The following WWOX variants were observed in gnomAD, a reference collection of about 807,000 sequenced individuals.
WWOX encodes the protein WW domain containing oxidoreductase, also known as WW domain-containing oxidoreductase.
In WWOX, 69 loss-of-function variants were observed where a neutral mutation model predicts 46.2. That is an observed-to-expected ratio of 1.49 (90% confidence interval 1.23 to 1.82). The LOEUF is 1.82. Among genes scored for constraint, WWOX ranks in the 40% most tolerant of loss-of-function variants. The probability of loss-of-function intolerance (pLI) is 0.00; values close to 1 mark genes in which losing one functional copy is unlikely to be tolerated. For synonymous variants in WWOX, 359 were observed against 202.6 expected (o/e 1.77, Z -6.56); for missense variants, 919 against 542.6 (o/e 1.69, Z -6.89).
intron 6 of WWOX, among the ~76,000 whole-genome samples, chr16:78,404,754 C>A (rs1444368240): frequency 6.6e-6 from 1 of 152,148 alleles, no homozygotes; most frequent in African/African-American, 2.4e-5. Flanking sequence ...CTTTTTCTTA[C>A]TTTCCCGACC....
intron 8 of WWOX, chr16:78,897,277 A>C (rs950167969): frequency 2.7e-5 from 4 of 150,894 alleles, no homozygotes; most frequent in Admixed American, 1.3e-4. Flanking sequence ...CCAAAAAAAC[A>C]AAAACAAGAA....
chr16:78,507,476 C>T (rs1220602793), intron 8 of WWOX, among the ~76,000 whole-genome samples: 1 of 152,180 alleles, frequency 6.6e-6, no homozygotes, highest in South Asian at 2.1e-4. Context: ...TAGAATACTT[C>T]CACTCCGGTT....
chr16:79,153,048 C>T (rs780452056), intron 8 of WWOX, among the ~76,000 whole-genome samples: 1 of 152,130 alleles, frequency 6.6e-6, no homozygotes, highest in African/African-American at 2.4e-5. Flanking sequence ...ACCTGCAGAG[C>T]GAGCGGAGGC....
intron 8 of WWOX, among the ~76,000 whole-genome samples, chr16:78,601,285 A>G (rs1242962982): frequency 6.6e-6 from 1 of 152,152 alleles, no homozygotes; most frequent in East Asian, 1.9e-4. Flanking sequence ...GTGTTTGTGA[A>G]AAGCAAGTTG....
chr16:78,585,793 C>A (rs1017412328), intron 8 of WWOX, among the ~76,000 whole-genome samples: 1 of 151,706 alleles, frequency 6.6e-6, no homozygotes, highest in African/African-American at 2.4e-5. Context: ...GGGCAGATTC[C>A]CGTATCATGG....
chr16:78,906,501 T>TG (rs941131933), intron 8 of WWOX, among the ~76,000 whole-genome samples: 1 of 152,126 alleles, frequency 6.6e-6, no homozygotes, highest in Admixed American at 6.5e-5. Context: ...TCTCTTCACT[T>TG]GTGCTGTGCA....
intron 5 of WWOX, among the ~76,000 whole-genome samples, chr16:78,263,940 C>G (rs180795402): frequency 6.8e-6 from 1 of 147,650 alleles, no homozygotes; most frequent in Non-Finnish European, 1.5e-5. Context: ...AGCCTGCTTG[C>G]CATCTCACGA....
intron 8 of WWOX, among the ~76,000 whole-genome samples, chr16:79,154,973 T>A (rs1183098803): frequency 1.3e-5 from 2 of 152,180 alleles, no homozygotes; most frequent in African/African-American, 2.4e-5. Flanking sequence ...TTCAGTGGAA[T>A]TAGGGTCATG....
chr16:78,759,130 C>G (rs752210098), intron 8 of WWOX, among the ~76,000 whole-genome samples: 2 of 152,046 alleles, frequency 1.3e-5, no homozygotes. Flanking sequence ...CCTGGCTGAT[C>G]TGTGCAATTT....
At chr16:78,739,988 C>T (rs548461675) in intron 8 of WWOX, among the ~76,000 whole-genome samples, 1 of 152,160 alleles carries the variant, frequency 6.6e-6, no homozygotes, top group Non-Finnish European at 1.5e-5. Flanking sequence ...CCGGTGGAGA[C>T]ATTGCCTCAG....
rs1567575033 is a variant in WWOX at position 78,109,808 on chromosome 16, A to G, written c.203A>G (p.Asp68Gly). 1.2e-6 allele frequency: 2 copies of G among 1,614,180 alleles called. No homozygotes were observed. Among genetic ancestry groups the G allele is most frequent in the Middle Eastern group, 3.3e-4 (2 of 6,062 alleles). ...CCATACGGATGGGAACAAGAAACTG[A>G]TGAGAACGGACAAGTGTTTTTTGTT... ...DLPYGWEQET[D>G]ENGQVFFVDH... The change falls in exon 3 of 9, where the codon GAT becomes GGT. Residue 68 changes from aspartate to glycine, a missense_variant. Physicochemically the swap from Asp to Gly is moderately conservative, Grantham distance 94. Coordinates refer to ENST00000566780, the MANE Select transcript of WWOX (RefSeq NM_016373.4).
intron 8 of WWOX, among the ~76,000 whole-genome samples, chr16:78,433,845 A>G (rs556462965): frequency 7.2e-5 from 9 of 125,756 alleles, no homozygotes; most frequent in African/African-American, 2.8e-4. Flanking sequence ...GCTGGAGTGC[A>G]GTGGCGGGAT....
At chr16:79,064,752 GGTCAGGAGAC>G (rs1156410790) in intron 8 of WWOX, among the ~76,000 whole-genome samples, 1 of 152,186 alleles carries the variant, frequency 6.6e-6, no homozygotes. Flanking sequence ...CATGTGTGTG[GGTCAGGAGAC>G]GCTTAAGGCA....
intron 5 of WWOX, among the ~76,000 whole-genome samples, chr16:78,349,470 C>T (rs1464497332): frequency 8.3e-6 from 1 of 120,690 alleles, no homozygotes; most frequent in Non-Finnish European, 2.0e-5. Context: ...AGACCATCTG[C>T]ATCCTTATCT....
At chr16:78,532,415 C>G (rs946681380) in intron 8 of WWOX, among the ~76,000 whole-genome samples, 6 of 152,062 alleles carry the variant, frequency 3.9e-5, no homozygotes, top group African/African-American at 9.7e-5. Context: ...ATAGTAAGTT[C>G]CTGCCTAGGC....
chr16:78,557,982 G>A (rs911526072), intron 8 of WWOX, among the ~76,000 whole-genome samples: 3 of 152,156 alleles, frequency 2.0e-5, no homozygotes, highest in African/African-American at 7.2e-5. Flanking sequence ...AATTTCATTG[G>A]ATTTCTACAC....
chr16:78,502,774 A>G (rs967421581), intron 8 of WWOX, among the ~76,000 whole-genome samples: 1 of 152,216 alleles, frequency 6.6e-6, no homozygotes, highest in Non-Finnish European at 1.5e-5. Flanking sequence ...TGCCAAGGCC[A>G]GCAGATCTCG....
intron 8 of WWOX, among the ~76,000 whole-genome samples, chr16:79,065,985 C>T (rs116591507): frequency 5.5e-4 from 83 of 152,282 alleles, no homozygotes; most frequent in African/African-American, 2.0e-3. Flanking sequence ...TACCACCTTC[C>T]AACATTTCCC....
At chr16:79,033,532 C>T (rs914150277) in intron 8 of WWOX, among the ~76,000 whole-genome samples, 1 of 152,042 alleles carries the variant, frequency 6.6e-6, no homozygotes. Flanking sequence ...CAGATTTCCC[C>T]TGGCCCTCAC....
Sources: allele counts gnomAD v4.1 joint callset (sites outside exome capture counted in the v4.1 genomes callset), GRCh38; gene constraint gnomAD v4.1.1; transcripts MANE v1.5; gene names NCBI Gene and HGNC (gene_info 2026-07-23, HGNC 2026-07-21).